ELMO1: variants seen among roughly 807,000 people sequenced by gnomAD.
ELMO1 encodes the protein engulfment and cell motility 1, also known as engulfment and cell motility protein 1.
In ELMO1, 26 loss-of-function variants were observed where a neutral mutation model predicts 98.9. That is an observed-to-expected ratio of 0.26 (90% CI 0.19 to 0.36). ELMO1 has a LOEUF of 0.36. Among genes scored for constraint, ELMO1 ranks in the 10% least tolerant of loss-of-function variants. The pLI is 1.00. For missense variants in ELMO1, 627 were observed against 935.2 expected, an observed-to-expected ratio of 0.67 and a Z score of 4.30; for synonymous variants, 346 against 346.0, an observed-to-expected ratio of 1.00 and a Z score of 0.00.
intron 15 of ELMO1, among the ~76,000 whole-genome samples, chr7:37,093,555 TG>T (rs1348029315): frequency 6.6e-6 from 1 of 152,238 alleles, no homozygotes; most frequent in African/African-American, 2.4e-5. Flanking sequence ...GATAGATTTG[TG>T]TGTAAATCTA....
chr7:37,297,417 C>T (rs2717990), intron 4 of ELMO1, among the ~76,000 whole-genome samples: 53,109 of 151,894 alleles, frequency 0.35, 10,405 homozygotes, highest in Middle Eastern at 0.52. Flanking sequence ...TACTGTGAAT[C>T]CTAAAAGCTT....
intron 17 of ELMO1, among the ~76,000 whole-genome samples, chr7:36,890,638 A>G (rs756193165): frequency 1.6e-4 from 24 of 152,286 alleles, no homozygotes; most frequent in Non-Finnish European, 3.1e-4. Flanking sequence ...TCTCATTTTC[A>G]GTACACTATA....
At chr7:37,274,050 G>A (rs917094378) in intron 4 of ELMO1, among the ~76,000 whole-genome samples, 3 of 152,222 alleles carry the variant, frequency 2.0e-5, no homozygotes, top group Admixed American at 1.3e-4. Context: ...TCAGCCCAGT[G>A]TAGAGCATCC....
chr7:36,934,588 G>A, intron 16 of ELMO1, among the ~76,000 whole-genome samples: 1 of 152,208 alleles, frequency 6.6e-6, no homozygotes, highest in East Asian at 1.9e-4. Context: ...AATTGAAATG[G>A]AAATGCAAAC....
At chr7:37,113,710 G>C (rs1455657113) in intron 14 of ELMO1, among the ~76,000 whole-genome samples, 1 of 152,206 alleles carries the variant, frequency 6.6e-6, no homozygotes, top group Non-Finnish European at 1.5e-5. Flanking sequence ...TGTATTTGAA[G>C]ATAGGGCCTT....
chr7:37,345,190 T>C (rs1800936663), intron 1 of ELMO1, among the ~76,000 whole-genome samples: 2 of 152,210 alleles, frequency 1.3e-5, no homozygotes, highest in African/African-American at 4.8e-5. Flanking sequence ...AGCAGTGGTT[T>C]AGTCACTCAT....
At chr7:37,042,001 A>G (rs1795537255) in intron 15 of ELMO1, among the ~76,000 whole-genome samples, 1 of 151,982 alleles carries the variant, frequency 6.6e-6, no homozygotes, top group South Asian at 2.1e-4. Context: ...AGAGAGTTAC[A>G]TGGCCGGGCA....
At chr7:36,871,513 G>A (rs1803502076) in intron 19 of ELMO1, among the ~76,000 whole-genome samples, 1 of 152,198 alleles carries the variant, frequency 6.6e-6, no homozygotes, top group Non-Finnish European at 1.5e-5. Flanking sequence ...AGCCCCATAT[G>A]GGTTTATGAA....
At chr7:37,227,764 C>A (rs1385993651) in intron 8 of ELMO1, among the ~76,000 whole-genome samples, 2 of 152,212 alleles carry the variant, frequency 1.3e-5, no homozygotes, top group African/African-American at 4.8e-5. Context: ...TAACTCTTCT[C>A]TGCTGCCAGT....
intron 15 of ELMO1, among the ~76,000 whole-genome samples, chr7:37,022,913 A>G (rs1400602866): frequency 6.6e-6 from 1 of 152,246 alleles, no homozygotes; most frequent in Non-Finnish European, 1.5e-5. Context: ...ATTTTTAAAA[A>G]TGCTACATAC....
At chr7:37,447,707 GCACACACCACA>G (rs1223047382) in intron 1 of ELMO1, among the ~76,000 whole-genome samples, 1 of 104,302 alleles carries the variant, frequency 9.6e-6, no homozygotes, top group African/African-American at 4.1e-5. Context: ...ACGCGCGCGC[GCACACACCACA>G]CACACACACA....
chr7:36,875,573 G>T (rs1294084397), intron 19 of ELMO1, among the ~76,000 whole-genome samples: 2 of 152,228 alleles, frequency 1.3e-5, no homozygotes, highest in Non-Finnish European at 2.9e-5. Flanking sequence ...AGGAGGGGCT[G>T]TCACAATCCC....
intron 16 of ELMO1, among the ~76,000 whole-genome samples, chr7:36,963,279 G>A (rs570371092): frequency 6.6e-6 from 1 of 152,190 alleles, no homozygotes; most frequent in East Asian, 1.9e-4. Flanking sequence ...TCAGGAGACT[G>A]AGGCAGGAGA....
At chr7:37,150,494 A>G (rs1788287523) in intron 13 of ELMO1, among the ~76,000 whole-genome samples, 1 of 152,112 alleles carries the variant, frequency 6.6e-6, no homozygotes, top group South Asian at 2.1e-4. Context: ...AGGGAACACT[A>G]TGCAACATTT....
intron 13 of ELMO1, among the ~76,000 whole-genome samples, chr7:37,157,391 T>C (rs1448995310): frequency 1.3e-5 from 2 of 152,164 alleles, no homozygotes; most frequent in Non-Finnish European, 2.9e-5. Flanking sequence ...TGCTTGCAGA[T>C]GACATGATTG....
At chr7:36,873,552 G>A (rs7807884) in intron 19 of ELMO1, among the ~76,000 whole-genome samples, 15,445 of 152,244 alleles carry the variant, frequency 0.1, 1,348 homozygotes, top group African/African-American at 0.24. Flanking sequence ...TTTACAGATG[G>A]GAAGACTGAT....
chr7:36,887,800 T>G (rs1440176495), intron 17 of ELMO1, 128 bp from the exon 18 acceptor site: 8 of 743,246 alleles, frequency 1.1e-5, no homozygotes, highest in Non-Finnish European at 1.6e-5. Context: ...ACCTCCAACT[T>G]GGTGCTTTAG....
At chr7:36,954,906 C>G (rs1428798949) in intron 16 of ELMO1, among the ~76,000 whole-genome samples, 2 of 152,134 alleles carry the variant, frequency 1.3e-5, no homozygotes, top group African/African-American at 2.4e-5. Context: ...ACAAGCGTAC[C>G]AGGTGAGACA....
At chr7:36,911,992 T>C (rs1220746847) in intron 16 of ELMO1, among the ~76,000 whole-genome samples, 1 of 152,192 alleles carries the variant, frequency 6.6e-6, no homozygotes, top group East Asian at 1.9e-4. Flanking sequence ...ACATGAGTGA[T>C]GACTGTTGGG....
Sources: gnomAD v4.1 joint callset for allele counts (sites outside exome capture counted in the v4.1 genomes callset) on GRCh38, gnomAD v4.1.1 for gene constraint, MANE v1.5 for transcripts, NCBI Gene and HGNC (gene_info 2026-07-23, HGNC 2026-07-21) for gene names.